LDLRAD4: variants seen among roughly 807,000 people sequenced by gnomAD.
The protein encoded by LDLRAD4 is low density lipoprotein receptor class A domain containing 4.
Under a neutral mutation model 17.0 loss-of-function variants are expected in LDLRAD4, and 5 were observed. That is an observed-to-expected ratio of 0.29 (90% CI 0.15 to 0.62). The LOEUF is 0.62. Among genes scored for constraint, LDLRAD4 ranks in the 20% least tolerant of loss-of-function variants. The pLI is 0.84. For synonymous variants in LDLRAD4, 168 were observed against 171.8 expected (o/e 0.98, Z 0.17); for missense variants, 340 against 424.7 (o/e 0.80, Z 1.75).
chr18:13,379,203 C>A (rs56198436), intron 1 of LDLRAD4, among the ~76,000 whole-genome samples: 44,023 of 152,108 alleles, frequency 0.29, 7,442 homozygotes, highest in Non-Finnish European at 0.38. Flanking sequence ...TGTCCTCTGG[C>A]CCCTTTGTAT....
Position 13,458,996 on chromosome 18 carries a change from C to T in LDLRAD4, c.181+20612C>T, listed in dbSNP as rs1299226693. Reference sequence around the variant, plus strand: ...AGTGAAATTAGTTTTGGATTCCCAACCTGTAGAACTGTAAAGTAACAAATT... The same window carrying T: ...AGTGAAATTAGTTTTGGATTCCCAATCTGTAGAACTGTAAAGTAACAAATT... On this transcript the variant is annotated intron_variant, in intron 3 of 5. Coordinates refer to ENST00000359446, the Ensembl canonical transcript of LDLRAD4. Among the ~76,000 whole-genome samples, 6 of 152,230 alleles carry T rather than the reference C, an allele frequency of 3.9e-5. No individual in the cohort carries two copies. The South Asian group carries it at 1.0e-3, about 26-fold the overall frequency.
At chr18:13,550,060 C>T (rs754151636) in intron 3 of LDLRAD4, among the ~76,000 whole-genome samples, 80 of 152,200 alleles carry the variant, frequency 5.3e-4, no homozygotes, top group Non-Finnish European at 9.8e-4. Flanking sequence ...GCATTGGCCA[C>T]GTGCCCACAC....
intron 3 of LDLRAD4, among the ~76,000 whole-genome samples, chr18:13,609,879 A>G (rs1418704117): frequency 2.0e-5 from 3 of 152,194 alleles, no homozygotes; most frequent in Non-Finnish European, 4.4e-5. Context: ...CTACTCGGGA[A>G]GCTGAGGTGG....
intron 3 of LDLRAD4, among the ~76,000 whole-genome samples, chr18:13,566,012 A>C (rs142688354): frequency 1.3e-5 from 2 of 152,332 alleles, no homozygotes; most frequent in African/African-American, 4.8e-5. Flanking sequence ...AGCCTGGGCC[A>C]TGAATTTTCT....
At chr18:13,620,251 G>A (rs1165722372) in intron 3 of LDLRAD4, among the ~76,000 whole-genome samples, 1 of 152,230 alleles carries the variant, frequency 6.6e-6, no homozygotes, top group Non-Finnish European at 1.5e-5. Flanking sequence ...TGTGCTGTGA[G>A]CCCAGGGCAG....
exon 6 of LDLRAD4, chr18:13,650,131 G>A (rs1226684759): frequency 7.5e-6 from 3 of 398,692 alleles, no homozygotes; most frequent in Non-Finnish European, 1.3e-5. Flanking sequence ...AGCACTCTTA[G>A]CCTTGCAGTG....
chr18:13,646,287 G>A (rs766162399), exon 6 of LDLRAD4: 26 of 152,680 alleles, frequency 1.7e-4, no homozygotes, highest in Admixed American at 5.2e-4. Flanking sequence ...TTTACGTGAA[G>A]TTCTGTATGT....
intron 1 of LDLRAD4, among the ~76,000 whole-genome samples, chr18:13,227,663 G>A (rs1423326841): frequency 6.6e-6 from 1 of 152,178 alleles, no homozygotes; most frequent in Non-Finnish European, 1.5e-5. Context: ...GGAGGCCTTG[G>A]GACACTTACA....
chr18:13,223,069 A>G (rs1421559234), intron 1 of LDLRAD4, among the ~76,000 whole-genome samples: 2 of 152,198 alleles, frequency 1.3e-5, no homozygotes, highest in African/African-American at 4.8e-5. Flanking sequence ...GACAGGTGTA[A>G]TGAACTTAAT....
intron 3 of LDLRAD4, among the ~76,000 whole-genome samples, chr18:13,608,811 A>G (rs573529040): frequency 6.6e-6 from 1 of 152,306 alleles, no homozygotes; most frequent in East Asian, 1.9e-4. Flanking sequence ...GTTTCCTCCT[A>G]AGGACTGTAA....
intron 3 of LDLRAD4, chr18:13,542,221 G>C (rs946097128): frequency 7.9e-5 from 12 of 152,234 alleles, no homozygotes; most frequent in African/African-American, 2.9e-4. Context: ...GAACAAGCCG[G>C]TGTGTTTTAT....
At chr18:13,349,041 C>T (rs1456265938) in intron 1 of LDLRAD4, among the ~76,000 whole-genome samples, 2 of 152,210 alleles carry the variant, frequency 1.3e-5, no homozygotes, top group Non-Finnish European at 2.9e-5. Context: ...CGATGCCTCG[C>T]CCTGCTTTGG....
intron 1 of LDLRAD4, among the ~76,000 whole-genome samples, chr18:13,267,369 T>C (rs991799034): frequency 6.6e-6 from 1 of 152,246 alleles, no homozygotes; most frequent in Non-Finnish European, 1.5e-5. Flanking sequence ...CCTTAGCAGT[T>C]ACTGGAAGAG....
chr18:13,434,179 G>A (rs370290155), intron 2 of LDLRAD4, among the ~76,000 whole-genome samples: 7 of 61,008 alleles, frequency 1.1e-4, no homozygotes, highest in African/African-American at 2.7e-4. Flanking sequence ...GGAGAAGATT[G>A]TGTTATTACC....
intron 1 of LDLRAD4, among the ~76,000 whole-genome samples, chr18:13,305,668 G>T (rs925821074): frequency 6.6e-6 from 1 of 152,206 alleles, no homozygotes; most frequent in South Asian, 2.1e-4. Context: ...GATTTGTGCT[G>T]TAGATTGAGG....
chr18:13,519,007 C>T (rs1601038623), intron 3 of LDLRAD4, among the ~76,000 whole-genome samples: 1 of 152,108 alleles, frequency 6.6e-6, no homozygotes, highest in Admixed American at 6.5e-5. Context: ...GTGGGAGCCC[C>T]GCAGTGGAAA....
At chr18:13,226,200 T>TTTTTTTTTTTTTTTTTTTTTTG (rs1399999238) in intron 1 of LDLRAD4, among the ~76,000 whole-genome samples, 4 of 143,200 alleles carry the variant, frequency 2.8e-5, no homozygotes, top group Non-Finnish European at 6.1e-5. Flanking sequence ...TTTTTTTTTT[T>TTTTTTTTTTTTTTTTTTTTTTG]TGTAGAGACC....
In LDLRAD4 at chr18:13,409,860, G is replaced by C. The variant is rs920344151; in HGVS notation, c.40+22098G>C. On this transcript the variant is annotated intron_variant, in intron 2 of 5. Transcript: ENST00000359446. The stretch of plus-strand genomic sequence containing the variant: ...AACAAGATATTTGAATAGTCTCAAA[G>C]TGTCTTTCCAAGTATAAATGTTTAT... Among the ~76,000 whole-genome samples, 3 of 152,200 alleles carry C rather than the reference G, an allele frequency of 2.0e-5. No individual in the cohort carries two copies. The South Asian group carries it at 6.2e-4, about 32-fold the overall frequency.
upstream of LDLRAD4, among the ~76,000 whole-genome samples, chr18:13,275,024 A>G (rs1359677374): frequency 4.0e-5 from 6 of 150,666 alleles, no homozygotes; most frequent in Non-Finnish European, 1.5e-5. Flanking sequence ...TGGATACCAT[A>G]GCAAGACCCT....
Sources: gnomAD v4.1 joint callset for allele counts (sites outside exome capture counted in the v4.1 genomes callset) on GRCh38, gnomAD v4.1.1 for gene constraint, MANE v1.5 for transcripts, NCBI Gene and HGNC (gene_info 2026-07-23, HGNC 2026-07-21) for gene names.